Variants in LRP1 observed in about 807,000 individuals in gnomAD.
LRP1 encodes the protein LDL receptor related protein 1.
LRP1 carries 51 observed loss-of-function variants against 541.5 expected under a neutral mutation model. The observed-to-expected ratio is 0.09, with a 90% CI of 0.08 to 0.12. The LOEUF is 0.12. Among genes scored for constraint, LRP1 ranks in the 10% least tolerant of loss-of-function variants. The pLI is 1.00. For synonymous variants in LRP1, 2,219 were observed against 2,470.8 expected, an observed-to-expected ratio of 0.90 and a Z score of 3.02; for missense variants, 3,878 against 6,376.2, an observed-to-expected ratio of 0.61 and a Z score of 13.34.
chr12:57,206,784 A>G lies in LRP1; in HGVS notation c.11859+43A>G. On this transcript the variant is annotated intron_variant, in intron 76 of 88. Transcript: ENST00000243077. This position sits in a 1 kb window ranked among gnomAD's most constrained non-coding sequence, Gnocchi z 4.7. ...CGTGGATGGAGTGGAAGAGCTCCAT[A>G]GAGCAGGCGGTTCAGAGCAGGATTT... is the stretch of plus-strand genomic sequence containing the variant. 6 of 1,594,430 alleles carry G rather than the reference A, an allele frequency of 3.8e-6. No individual in the cohort carries two copies. The highest frequency in any genetic ancestry group is 4.3e-6 in the Non-Finnish European group (5 of 1,172,816).
Position 57,204,085 on chromosome 12 carries a change from C to G in LRP1, c.10952-325C>G. On this transcript the variant is annotated intron_variant, in intron 70 of 88. Transcript: ENST00000243077. This position sits in a 1 kb window ranked among gnomAD's most constrained non-coding sequence, Gnocchi z 5.3. ...CTTCCATTCCCAGCCCAGTGCTGTT[C>G]CCGCGTCCCCGCTGTGGAACTACAC... 1 of 249,866 alleles carries G rather than the reference C, an allele frequency of 4.0e-6. No homozygotes were observed. Among genetic ancestry groups the G allele is most frequent in the South Asian group, 1.4e-4 (1 of 7,254 alleles). 15.5% of individuals were successfully genotyped at this position (249,866 alleles called of 1,614,324 possible).
rs761095762 is a variant in LRP1, at chr12:57,195,416, C to T, written c.8437+17C>T. 106 of 1,600,834 alleles carry T rather than the reference C, an allele frequency of 6.6e-5. No individual in the cohort carries two copies. The highest frequency in any genetic ancestry group is 8.2e-5 in the Non-Finnish European group (97 of 1,178,302). Reference sequence around the variant, plus strand: ...CTGGTTGCTGTGAGTGGCGGGGCCACGTGGAGCGGGTGGACAGCAAATGGC... The same window carrying T: ...CTGGTTGCTGTGAGTGGCGGGGCCATGTGGAGCGGGTGGACAGCAAATGGC... On this transcript the variant is annotated intron_variant, in intron 52 of 88. Transcript: ENST00000243077.
chr12:57,151,133 C>T lies in LRP1; in HGVS notation c.842-3075C>T, dbSNP rs192557740. On this transcript the variant is annotated intron_variant, in intron 6 of 88. Transcript: ENST00000243077. ...CAGCTGAAGCTAGAGTCTTTTTGGG[C>T]ATGGGGTGGGTCCCATGTGTTTGGG... is the stretch of plus-strand genomic sequence containing the variant. Among the ~76,000 whole-genome samples the T allele has an allele frequency of 2.4e-3, 361 of 152,194 alleles. 2 individuals carry two copies. The highest frequency in any genetic ancestry group is 6.0e-3 in the African/African-American group (250 of 41,518).
intron 17 of LRP1, chr12:57,166,504 T>C: frequency 2.4e-6 from 1 of 419,354 alleles, no homozygotes; most frequent in Non-Finnish European, 4.3e-6. Flanking sequence ...GAGGCTGCAG[T>C]GAGCCATGGT....
chr12:57,171,717 C>T (rs1269405924), intron 20 of LRP1, among the ~76,000 whole-genome samples: 3 of 152,202 alleles, frequency 2.0e-5, no homozygotes, highest in Admixed American at 6.5e-5. Flanking sequence ...CTGAAAGTCC[C>T]GGCATGAGAT....
Position 57,161,050 on chromosome 12 carries a change from C to T in LRP1, c.2137C>T (p.Leu713Phe). 1.2e-6 allele frequency: 2 copies of T among 1,613,924 alleles called. No homozygotes were observed. The highest frequency in any genetic ancestry group is 8.5e-7 in the Non-Finnish European group (1 of 1,180,026). The change falls in exon 13 of 89, where the codon CTC becomes TTC. Residue 713 changes from leucine (L) to phenylalanine (F), a missense_variant. By Grantham distance (22) the Leu-to-Phe change is conservative. Transcript: ENST00000243077. ...GLSLDIPAGR[L>F]YWVDAFYDRI... is the part of the protein sequence containing the mutation. ...AAGCCTGGACATCCCGGCTGGGCGC[C>T]TCTACTGGGTGGATGCCTTCTACGA...
chr12:57,159,364 T>C (rs1168631953), intron 11 of LRP1, among the ~76,000 whole-genome samples: 1 of 152,218 alleles, frequency 6.6e-6, no homozygotes, highest in Non-Finnish European at 1.5e-5. Flanking sequence ...TAGGGGTCCC[T>C]ATACCAAGGG....
At chr12:57,152,632 C>G (rs1035675716) in intron 6 of LRP1, among the ~76,000 whole-genome samples, 1 of 152,220 alleles carries the variant, frequency 6.6e-6, no homozygotes, top group African/African-American at 2.4e-5. Context: ...TTCCCCCTCT[C>G]TCCAATCTTG....
At chr12:57,130,510 A>G (rs781659137) in intron 1 of LRP1, among the ~76,000 whole-genome samples, 7 of 144,906 alleles carry the variant, frequency 4.8e-5, no homozygotes, top group South Asian at 2.1e-4. Flanking sequence ...GCTTCTGCCT[A>G]TAACTCCTGT....
chr12:57,203,113 G>T, intron 68 of LRP1, 68 bp from the exon 69 acceptor site: 1 of 1,154,586 alleles, frequency 8.7e-7, no homozygotes, highest in South Asian at 1.5e-5. Flanking sequence ...GCTCGGGACT[G>T]TGGCACTACT....
intron 41 of LRP1, among the ~76,000 whole-genome samples, chr12:57,186,228 G>T (rs1592642651): frequency 6.6e-6 from 1 of 152,286 alleles, no homozygotes; most frequent in East Asian, 1.9e-4. Context: ...CAATAACTTG[G>T]GTCAGTTTCC....
chr12:57,154,512 A>C lies in LRP1; in HGVS notation c.1038A>C (p.Pro346=). ...TTTTCACTGACTATGGGCAGATCCC[A>C]AAGGTGGAACGCTGTGACATGGATG... ...KVFFTDYGQI[P]KVERCDMDGQ... is the part of the protein sequence containing the mutation. The change falls in exon 8 of 89, where the codon CCA becomes CCC. Residue 346 remains proline (P), a synonymous_variant. Coordinates refer to ENST00000243077, the MANE Select transcript of LRP1 (RefSeq NM_002332.3). The surrounding 1 kb of genome is among the most constrained non-coding windows in gnomAD (Gnocchi z 4.6). 1 of 1,614,232 alleles carries C rather than the reference A, an allele frequency of 6.2e-7. No homozygotes were observed. The highest frequency in any genetic ancestry group is 8.5e-7 in the Non-Finnish European group (1 of 1,180,036).
chr12:57,198,026 T>C (rs2036573201), intron 58 of LRP1, 130 bp from the exon 59 acceptor site: 2 of 753,146 alleles, frequency 2.7e-6, no homozygotes, highest in South Asian at 1.8e-5. Flanking sequence ...TTTACTTCCA[T>C]GGTTCTCCCA....
chr12:57,162,529 G>A lies in LRP1; in HGVS notation c.2404+11G>A. 6.2e-7 allele frequency: 1 copy of A among 1,613,104 alleles called. No individual in the cohort carries two copies. Among genetic ancestry groups the A allele is most frequent in the South Asian group, 1.1e-5 (1 of 91,044 alleles). ...CCCAGCAGCAGCAAGGTACCTCCTT[G>A]GGGCTGGGGGCAGCGTGGGACCTGG... is the stretch of plus-strand genomic sequence containing the variant. On this transcript the variant is annotated intron_variant, in intron 14 of 88. Transcript: ENST00000243077. The surrounding 1 kb of genome is among the most constrained non-coding windows in gnomAD (Gnocchi z 5.2).
Position 57,175,949 on chromosome 12 carries a change from AATCCGGCGC to A in LRP1, c.3838_3846del (p.Arg1280_Ile1282del). On this transcript the variant is annotated inframe_deletion, in exon 24 of 89. Coordinates refer to ENST00000243077, the MANE Select transcript of LRP1 (RefSeq NM_002332.3). ...TCATCATTTTCTCCAACCGCCATGAAATCCGGCGCATCGATCTTCACAAAGGAGACTACA... is the reference window on the plus strand; with the variant it reads ...TCATCATTTTCTCCAACCGCCATGAAATCGATCTTCACAAAGGAGACTACA... 6.2e-7 allele frequency: 1 copy of A among 1,614,138 alleles called. No individual in the cohort carries two copies. The highest frequency in any genetic ancestry group is 8.5e-7 in the Non-Finnish European group (1 of 1,180,030).
intron 10 of LRP1, among the ~76,000 whole-genome samples, chr12:57,157,760 A>G (rs1565723904): frequency 6.6e-6 from 1 of 152,278 alleles, no homozygotes. Context: ...CATGTCCGGC[A>G]GAGGAAATCA....
Position 57,179,864 on chromosome 12 carries a change from G to A in LRP1, c.5049G>A (p.Gln1683=), listed in dbSNP as rs2036126183. Residue 1683 remains glutamine (Q), a synonymous_variant, in exon 30 of 89, where the codon CAG becomes CAA. Transcript: ENST00000243077. The surrounding 1 kb of genome is among the most constrained non-coding windows in gnomAD (Gnocchi z 6.8). Reference sequence around the variant, plus strand: ...CAAGCTATGACACCAATAAGAAGCAGATCAATGTGGCCCGGCTGGATGGCT... The same window carrying A: ...CAAGCTATGACACCAATAAGAAGCAAATCAATGTGGCCCGGCTGGATGGCT... ...FWTSYDTNKK[Q]INVARLDGSF... is the part of the protein sequence containing the mutation. 1 of 1,614,066 alleles carries A rather than the reference G, an allele frequency of 6.2e-7. No homozygotes were observed. Among genetic ancestry groups the A allele is most frequent in the South Asian group, 1.1e-5 (1 of 91,094 alleles).
At position 57,180,697 on chromosome 12, in the gene LRP1, C is replaced by T. The variant is rs752838145; in HGVS notation, c.5417C>T (p.Ser1806Leu). The stretch of plus-strand genomic sequence containing the variant: ...AAGCTGTGGTGGGCTGATCAGGTGT[C>T]GGAAAAGATGGGCACATGCAGCAAG... ...GDKLWWADQVSEKMGTCSKAD... is the reference protein window; with the variant it reads ...GDKLWWADQVLEKMGTCSKAD... The change falls in exon 33 of 89, where the codon TCG becomes TTG. Residue 1806 changes from serine (S) to leucine (L), a missense_variant. Ser to Leu is a moderately radical substitution (Grantham distance 145). Transcript: ENST00000243077. 7 of 1,613,924 alleles carry T rather than the reference C, an allele frequency of 4.3e-6. No homozygotes were observed. The highest frequency in any genetic ancestry group is 2.7e-5 in the African/African-American group (2 of 74,944).
At chr12:57,180,253 T>C in intron 31 of LRP1, 77 bp from the exon 32 acceptor site, 1 of 1,588,570 alleles carries the variant, frequency 6.3e-7, no homozygotes, top group Non-Finnish European at 8.6e-7. Context: ...GCTTAGTGCC[T>C]GTTCTCACCA....
Sources: gnomAD v4.1 joint callset for allele counts (sites outside exome capture counted in the v4.1 genomes callset) on GRCh38, gnomAD v4.1.1 for gene constraint, Gnocchi (gnomAD v3.1) non-coding constraint, MANE v1.5 for transcripts, NCBI Gene and HGNC (gene_info 2026-07-23, HGNC 2026-07-21) for gene names.